SLC25A21: variants seen among roughly 807,000 people sequenced by gnomAD.
SLC25A21 encodes mitochondrial 2-oxodicarboxylate carrier.
A neutral mutation model predicts 43.8 loss-of-function variants in SLC25A21; 47 were observed. That is an observed-to-expected ratio of 1.07 (90% CI 0.85 to 1.37). SLC25A21 has a LOEUF of 1.37. Ranked by LOEUF, SLC25A21 falls within the 40% of genes most tolerant of loss-of-function variation. The pLI is 0.00. For missense variants in SLC25A21, 352 were observed against 350.2 expected, an observed-to-expected ratio of 1.00 and a Z score of -0.04; for synonymous variants, 131 against 121.3, an observed-to-expected ratio of 1.08 and a Z score of -0.52.
chr14:36,832,199 T>C (rs925059502), intron 2 of SLC25A21, among the ~76,000 whole-genome samples: 9 of 152,112 alleles, frequency 5.9e-5, no homozygotes, highest in African/African-American at 2.2e-4. Flanking sequence ...ACCACCAGAG[T>C]ATAGTGGAAA....
chr14:37,030,620 G>T (rs536021830), intron 1 of SLC25A21, among the ~76,000 whole-genome samples: 1 of 152,006 alleles, frequency 6.6e-6, no homozygotes, highest in Non-Finnish European at 1.5e-5. Flanking sequence ...CAGAATTCCC[G>T]GGACGAATCT....
At chr14:36,831,016 A>G (rs1182288095) in intron 2 of SLC25A21, among the ~76,000 whole-genome samples, 1 of 152,232 alleles carries the variant, frequency 6.6e-6, no homozygotes, top group East Asian at 1.9e-4. Flanking sequence ...GATTTCTAGC[A>G]GATATGTAGA....
intron 3 of SLC25A21, among the ~76,000 whole-genome samples, chr14:36,762,637 C>T (rs978656317): frequency 1.3e-5 from 2 of 152,210 alleles, no homozygotes; most frequent in Admixed American, 6.5e-5. Context: ...AAATCTGGAA[C>T]TGAATCCTAG....
chr14:36,910,491 T>C (rs1175315457), intron 1 of SLC25A21, among the ~76,000 whole-genome samples: 1 of 152,166 alleles, frequency 6.6e-6, no homozygotes, highest in Non-Finnish European at 1.5e-5. Context: ...TGGGAAGGTT[T>C]TGTAACATTA....
chr14:37,049,204 G>T (rs1961653299), intron 1 of SLC25A21, among the ~76,000 whole-genome samples: 1 of 152,122 alleles, frequency 6.6e-6, no homozygotes, highest in Admixed American at 6.5e-5. Flanking sequence ...TCAATACATA[G>T]TAAATGAATG....
At chr14:36,850,900 G>T (rs1255102006) in intron 2 of SLC25A21, among the ~76,000 whole-genome samples, 1 of 152,144 alleles carries the variant, frequency 6.6e-6, no homozygotes, top group South Asian at 2.1e-4. Context: ...AGTGCACACA[G>T]GGACCACGGC....
chr14:36,909,062 G>A (rs964847369), intron 1 of SLC25A21, among the ~76,000 whole-genome samples: 1 of 152,022 alleles, frequency 6.6e-6, no homozygotes, highest in Non-Finnish European at 1.5e-5. Context: ...GGACTTAAGG[G>A]ACATTTTAGA....
At chr14:37,160,595 G>C (rs1426120250) in intron 1 of SLC25A21, among the ~76,000 whole-genome samples, 3 of 152,058 alleles carry the variant, frequency 2.0e-5, no homozygotes, top group African/African-American at 7.2e-5. Flanking sequence ...CAAGGATAAA[G>C]AGAAGTAGGT....
At chr14:37,144,195 A>C (rs1307999737) in intron 1 of SLC25A21, among the ~76,000 whole-genome samples, 4 of 152,372 alleles carry the variant, frequency 2.6e-5, no homozygotes, top group South Asian at 4.1e-4. Context: ...CCTATAAATC[A>C]GTAGTTGTCA....
chr14:36,864,002 C>T (rs1174219948), intron 2 of SLC25A21, among the ~76,000 whole-genome samples: 1 of 152,216 alleles, frequency 6.6e-6, no homozygotes, highest in Non-Finnish European at 1.5e-5. Context: ...AAGCAAAAAT[C>T]TCAGAAGTAA....
At chr14:36,997,813 C>CT (rs1158874276) in intron 1 of SLC25A21, among the ~76,000 whole-genome samples, 1 of 136,362 alleles carries the variant, frequency 7.3e-6, no homozygotes, top group Non-Finnish European at 1.6e-5. Context: ...AGGTGAGACT[C>CT]TGTCTCAAAA....
intron 1 of SLC25A21, among the ~76,000 whole-genome samples, chr14:37,010,096 T>C (rs988178106): frequency 3.9e-5 from 6 of 152,176 alleles, no homozygotes; most frequent in African/African-American, 1.4e-4. Flanking sequence ...GATTTCCTTA[T>C]CTGAAAATTG....
intron 1 of SLC25A21, among the ~76,000 whole-genome samples, chr14:36,919,622 C>CCTATCTATCTATCTAT (rs3061765): frequency 1.6e-5 from 1 of 61,452 alleles, no homozygotes; most frequent in Admixed American, 1.7e-4. Context: ...TATCTATCTA[C>CCTATCTATCTATCTAT]CTATCTATCT....
At chr14:36,908,144 A>G (rs1193402701) in intron 1 of SLC25A21, among the ~76,000 whole-genome samples, 1 of 152,182 alleles carries the variant, frequency 6.6e-6, no homozygotes, top group African/African-American at 2.4e-5. Context: ...TACTATAATG[A>G]TGAATACATG....
chr14:36,753,054 AG>A (rs1885769873), intron 3 of SLC25A21, among the ~76,000 whole-genome samples: 1 of 152,168 alleles, frequency 6.6e-6, no homozygotes, highest in Non-Finnish European at 1.5e-5. Context: ...TGAGACAGAA[AG>A]TAGAATGGTG....
At chr14:36,864,684 C>T (rs1215918970) in intron 2 of SLC25A21, among the ~76,000 whole-genome samples, 1 of 152,172 alleles carries the variant, frequency 6.6e-6, no homozygotes, top group African/African-American at 2.4e-5. Flanking sequence ...AGCTACATGA[C>T]AAAATCCCAA....
intron 1 of SLC25A21, among the ~76,000 whole-genome samples, chr14:36,924,020 G>T (rs1892056297): frequency 6.6e-6 from 1 of 152,102 alleles, no homozygotes; most frequent in Non-Finnish European, 1.5e-5. Context: ...AAAAAGTCAG[G>T]AAACTACAGG....
chr14:36,913,705 A>C (rs1292803918), intron 1 of SLC25A21, among the ~76,000 whole-genome samples: 1 of 152,244 alleles, frequency 6.6e-6, no homozygotes, highest in Non-Finnish European at 1.5e-5. Context: ...ATGTTGTTAA[A>C]AGAACCTTTT....
intron 1 of SLC25A21, among the ~76,000 whole-genome samples, chr14:37,065,393 G>A (rs189853525): frequency 1.8e-4 from 27 of 152,314 alleles, no homozygotes; most frequent in Non-Finnish European, 3.8e-4. Context: ...AGGAGCTCAG[G>A]GAGGTGAACC....
Sources: allele counts gnomAD v4.1 joint callset (sites outside exome capture counted in the v4.1 genomes callset), GRCh38; gene constraint gnomAD v4.1.1; transcripts MANE v1.5; gene names NCBI Gene and HGNC (gene_info 2026-07-23, HGNC 2026-07-21).